CNTN5: variants seen among roughly 807,000 people sequenced by gnomAD.
CNTN5 encodes contactin 5.
CNTN5 carries 77 observed loss-of-function variants against 129.1 expected under a neutral mutation model. That is an observed-to-expected ratio of 0.60 (90% CI 0.50 to 0.72). The LOEUF (loss-of-function observed/expected upper bound fraction) is 0.72. CNTN5 is among the 30% of genes least tolerant of loss of function. The probability of loss-of-function intolerance (pLI) is 0.00; values close to 1 mark genes in which losing one functional copy is unlikely to be tolerated. For missense variants in CNTN5, 1,478 were observed against 1,328.8 expected, an observed-to-expected ratio of 1.11 and a Z score of -1.75; for synonymous variants, 509 against 465.6, an observed-to-expected ratio of 1.09 and a Z score of -1.20.
intron 2 of CNTN5, among the ~76,000 whole-genome samples, chr11:99,443,246 G>T (rs1356067038): frequency 6.6e-6 from 1 of 152,246 alleles, no homozygotes; most frequent in South Asian, 2.1e-4. Context: ...TATTTTCTTT[G>T]ATCCTAAAAC....
intron 1 of CNTN5, among the ~76,000 whole-genome samples, chr11:99,272,167 A>C (rs1374087947): frequency 6.6e-6 from 1 of 151,886 alleles, no homozygotes; most frequent in African/African-American, 2.4e-5. Context: ...CCAATGTCAC[A>C]AAACTAACTG....
At chr11:99,877,915 T>C (rs1948675349) in intron 6 of CNTN5, among the ~76,000 whole-genome samples, 2 of 152,238 alleles carry the variant, frequency 1.3e-5, no homozygotes, top group African/African-American at 2.4e-5. Flanking sequence ...CATTCTCATC[T>C]TCCAGTTTAT....
At chr11:99,514,717 A>G (rs974882793) in intron 2 of CNTN5, among the ~76,000 whole-genome samples, 1 of 152,108 alleles carries the variant, frequency 6.6e-6, no homozygotes. Context: ...TTGCACACTT[A>G]GTAGACTTCA....
intron 6 of CNTN5, among the ~76,000 whole-genome samples, chr11:99,879,381 A>T (rs1166159282): frequency 2.6e-5 from 4 of 152,166 alleles, no homozygotes; most frequent in East Asian, 1.9e-4. Flanking sequence ...TATAAAATTA[A>T]TTTTTTCTTA....
chr11:99,951,693 A>T (rs558054672), intron 7 of CNTN5, among the ~76,000 whole-genome samples: 9 of 152,124 alleles, frequency 5.9e-5, no homozygotes, highest in Non-Finnish European at 1.2e-4. Flanking sequence ...TCTTTTGCTC[A>T]TTCACAGTAC....
chr11:100,260,122 G>A (rs919658647), intron 17 of CNTN5, among the ~76,000 whole-genome samples: 1 of 152,088 alleles, frequency 6.6e-6, no homozygotes, highest in South Asian at 2.1e-4. Context: ...TATCACTACT[G>A]ATCCCACAGA....
chr11:99,948,304 A>G (rs1950598063), intron 7 of CNTN5, among the ~76,000 whole-genome samples: 2 of 152,174 alleles, frequency 1.3e-5, no homozygotes, highest in South Asian at 4.1e-4. Flanking sequence ...GAACATCTGT[A>G]TTTCAGGTCC....
rs551157829 is a variant in CNTN5 at position 100,148,963 on chromosome 11, A to T, written c.1581-42163A>T. ...ATAATTCTTAAAGAACTTGATGAAC[A>T]TATTAGTCGAACAAAATATTTGTAG... On this transcript the variant is annotated intron_variant, in intron 13 of 24. Transcript: ENST00000524871. 1.1e-4 allele frequency among the ~76,000 whole-genome samples: 17 copies of T among 152,334 alleles called. No individual in the cohort carries two copies. In the South Asian group the frequency reaches 2.9e-3, roughly 26 times the overall value.
At chr11:99,719,989 A>G (rs926323563) in intron 3 of CNTN5, among the ~76,000 whole-genome samples, 1 of 152,152 alleles carries the variant, frequency 6.6e-6, no homozygotes, top group Admixed American at 6.6e-5. Context: ...GTAGAAATCA[A>G]TTCCCTGAAT....
At chr11:99,154,044 T>A (rs948496157) in intron 1 of CNTN5, among the ~76,000 whole-genome samples, 1 of 152,094 alleles carries the variant, frequency 6.6e-6, no homozygotes, top group African/African-American at 2.4e-5. Context: ...GTGTTCCCCA[T>A]CTGCTGACGA....
chr11:99,777,879 A>G (rs1202375508), intron 3 of CNTN5, among the ~76,000 whole-genome samples: 3 of 151,890 alleles, frequency 2.0e-5, no homozygotes, highest in Non-Finnish European at 4.4e-5. Context: ...TGTTATACAG[A>G]TTATATATAA....
intron 1 of CNTN5, among the ~76,000 whole-genome samples, chr11:99,057,692 A>G (rs1239471074): frequency 2.0e-5 from 3 of 152,022 alleles, no homozygotes; most frequent in Non-Finnish European, 4.4e-5. Flanking sequence ...ACTGAAAAAA[A>G]GAAGTGGAAA....
intron 13 of CNTN5, among the ~76,000 whole-genome samples, chr11:100,079,644 T>A (rs200911810): frequency 1.3e-5 from 2 of 148,550 alleles, no homozygotes; most frequent in Non-Finnish European, 3.0e-5. Context: ...TTAAAGACTT[T>A]TTTTTTCACT....
chr11:100,101,611 A>T (rs1383328549), intron 13 of CNTN5, among the ~76,000 whole-genome samples: 1 of 151,944 alleles, frequency 6.6e-6, no homozygotes, highest in Non-Finnish European at 1.5e-5. Flanking sequence ...TTTTGGTGGT[A>T]CAGGTGGTTT....
At chr11:99,413,618 C>CA (rs11352985) in intron 2 of CNTN5, among the ~76,000 whole-genome samples, 1 of 145,486 alleles carries the variant, frequency 6.9e-6, no homozygotes, top group Non-Finnish European at 1.5e-5. Flanking sequence ...AACTCCATCT[C>CA]AAAAAACAAA....
At chr11:99,721,170 G>A (rs542432536) in intron 3 of CNTN5, among the ~76,000 whole-genome samples, 2 of 152,170 alleles carry the variant, frequency 1.3e-5, no homozygotes, top group East Asian at 3.9e-4. Context: ...AAAAGAGCCC[G>A]AGTAGCCAAC....
At chr11:99,388,691 C>A (rs1035035990) in intron 2 of CNTN5, among the ~76,000 whole-genome samples, 2 of 152,078 alleles carry the variant, frequency 1.3e-5, no homozygotes, top group Non-Finnish European at 2.9e-5. Context: ...AGAAAGAACA[C>A]GAAACTTTTT....
intron 17 of CNTN5, among the ~76,000 whole-genome samples, chr11:100,265,972 T>A (rs1329387154): frequency 6.6e-6 from 1 of 152,188 alleles, no homozygotes; most frequent in East Asian, 1.9e-4. Context: ...TCATTGGTCT[T>A]TGTTTACTTA....
At position 99,197,558 on chromosome 11, in the gene CNTN5, A is replaced by G. The variant is rs1175997229; in HGVS notation, c.-209-127788A>G. Among the ~76,000 whole-genome samples the G allele has an allele frequency of 3.3e-5, 5 of 152,042 alleles. No individual in the cohort carries two copies. The East Asian group carries it at 9.6e-4, about 29-fold the overall frequency. On this transcript the variant is annotated intron_variant, in intron 1 of 24. Coordinates refer to ENST00000524871, the MANE Select transcript of CNTN5 (RefSeq NM_014361.4). Reference sequence around the variant, plus strand: ...ATCTATTTTCCCACTCCTTTTCTTCAGGCAATTTTACATTTCCAACATAAA... The same window carrying G: ...ATCTATTTTCCCACTCCTTTTCTTCGGGCAATTTTACATTTCCAACATAAA...
Sources: allele counts gnomAD v4.1 joint callset (sites outside exome capture counted in the v4.1 genomes callset), GRCh38; gene constraint gnomAD v4.1.1; transcripts MANE v1.5; gene names NCBI Gene and HGNC (gene_info 2026-07-23, HGNC 2026-07-21).